SLC17A1: variants seen among roughly 807,000 people sequenced by gnomAD.
The protein encoded by SLC17A1 is sodium-dependent phosphate transport protein 1.
Under a neutral mutation model 53.5 loss-of-function variants are expected in SLC17A1, and 51 were observed. That is an observed-to-expected ratio of 0.95 (90% CI 0.76 to 1.20). SLC17A1 has a LOEUF of 1.20. Ranked by LOEUF, SLC17A1 falls within the 50% of genes most tolerant of loss-of-function variation. The pLI is 0.00. For synonymous variants in SLC17A1, 179 were observed against 198.8 expected (o/e 0.90, Z 0.84); for missense variants, 538 against 568.2 (o/e 0.95, Z 0.54).
chr6:25,818,744 A>G (rs1764445516), intron 6 of SLC17A1, among the ~76,000 whole-genome samples: 1 of 152,230 alleles, frequency 6.6e-6, no homozygotes, highest in Admixed American at 6.5e-5. Flanking sequence ...AATGTTAAGT[A>G]TAAAAAGTAA....
At chr6:25,768,972 C>G in the SLC17A1 span, 174 of 1,613,436 alleles carry the variant, frequency 1.1e-4, 1 homozygote, top group Middle Eastern at 1.0e-3. Context: ...TTTTCATGCC[C>G]TTTTCCTCTC....
At chr6:25,779,061 A>C, downstream of SLC17A1, 2 of 1,613,672 alleles carry the variant, frequency 1.2e-6, no homozygotes, top group African/African-American at 2.7e-5. Flanking sequence ...CAGGATTCAG[A>C]GTTTGGTTGG....
the SLC17A1 span, among the ~76,000 whole-genome samples, chr6:25,728,553 C>T: frequency 6.6e-6 from 1 of 152,146 alleles, no homozygotes; most frequent in Admixed American, 6.5e-5. Context: ...CGGTGGCTCA[C>T]GCATGTAATC....
intron 12 of SLC17A1, among the ~76,000 whole-genome samples, chr6:25,793,224 A>G (rs1763538447): frequency 6.6e-6 from 1 of 152,140 alleles, no homozygotes; most frequent in Non-Finnish European, 1.5e-5. Flanking sequence ...TTATGCTTGG[A>G]ATACTCTTTC....
chr6:25,787,006 A>G (rs1348861113), intron 12 of SLC17A1, among the ~76,000 whole-genome samples: 4 of 151,958 alleles, frequency 2.6e-5, no homozygotes, highest in Non-Finnish European at 4.4e-5. Flanking sequence ...TAAAGTGACC[A>G]CAGTACTTTT....
At chr6:25,757,062 T>C in the SLC17A1 span, among the ~76,000 whole-genome samples, 1 of 152,156 alleles carries the variant, frequency 6.6e-6, no homozygotes, top group South Asian at 2.1e-4. Context: ...TGCCAATGAG[T>C]ATTTGTTTGG....
the SLC17A1 span, chr6:25,726,299 T>C: frequency 1.2e-6 from 2 of 1,613,756 alleles, no homozygotes; most frequent in African/African-American, 1.3e-5. Flanking sequence ...ATAATGCGAG[T>C]TTTTTTGTTA....
chr6:25,826,603 A>C lies in SLC17A1; in HGVS notation c.65T>G (p.Leu22Trp), dbSNP rs370150787. ...ATTACAACAGTGCACAAGGAAAGAC[A>C]ATCCATAGCGAAAGGAACAGAAACC... ...VPGFCSFRYG[L>W]SFLVHCCNVI... Residue 22 changes from leucine to tryptophan, a missense_variant, in exon 3 of 13, where the codon TTG (leucine) becomes TGG (tryptophan). By Grantham distance (61) the Leu-to-Trp change is moderately conservative. Coordinates refer to ENST00000244527, the MANE Select transcript of SLC17A1 (RefSeq NM_005074.5). The C allele has an allele frequency of 7.0e-5, 112 of 1,589,168 alleles. No individual in the cohort carries two copies. The highest frequency in any genetic ancestry group is 9.4e-5 in the Non-Finnish European group (110 of 1,167,058).
chr6:25,733,782 CTGTGTGTG>C, the SLC17A1 span, among the ~76,000 whole-genome samples: 2 of 144,554 alleles, frequency 1.4e-5, no homozygotes, highest in East Asian at 2.0e-4. Context: ...AAGCCTAATA[CTGTGTGTG>C]TGTGTGTGTG....
the SLC17A1 span, among the ~76,000 whole-genome samples, chr6:25,733,796 G>GTGTGTGTA: frequency 3.7e-5 from 4 of 107,050 alleles, no homozygotes; most frequent in South Asian, 6.4e-4. Flanking sequence ...GTGTGTGTGT[G>GTGTGTGTA]TGTGTGTGTA....
intron 2 of SLC17A1, among the ~76,000 whole-genome samples, chr6:25,830,187 A>G (rs1418989486): frequency 1.3e-5 from 2 of 152,188 alleles, no homozygotes; most frequent in African/African-American, 4.8e-5. Flanking sequence ...GGGACTCAAG[A>G]ACATTCATCC....
the SLC17A1 span, among the ~76,000 whole-genome samples, chr6:25,743,440 A>G: frequency 9.8e-5 from 15 of 152,290 alleles, no homozygotes; most frequent in East Asian, 2.5e-3. Context: ...AAAACTTTCT[A>G]GGTTTTATAA....
chr6:25,755,904 C>G, the SLC17A1 span, among the ~76,000 whole-genome samples: 169 of 152,312 alleles, frequency 1.1e-3, no homozygotes, highest in African/African-American at 3.1e-3. Context: ...CTAGAAGTCT[C>G]TGATGATTCT....
chr6:25,788,483 T>G (rs2151474398), intron 12 of SLC17A1, among the ~76,000 whole-genome samples: 1 of 152,118 alleles, frequency 6.6e-6, no homozygotes, highest in Admixed American at 6.5e-5. Context: ...GTGAGAGGTG[T>G]TAGAGCCTGT....
At chr6:25,776,873 G>A in the SLC17A1 span, 27 of 1,613,962 alleles carry the variant, frequency 1.7e-5, no homozygotes, top group African/African-American at 3.5e-4. Context: ...GCCACAGCAT[G>A]ACCATGACCT....
the SLC17A1 span, among the ~76,000 whole-genome samples, chr6:25,742,565 A>G: frequency 6.7e-6 from 1 of 150,114 alleles, no homozygotes; most frequent in Non-Finnish European, 1.5e-5. Flanking sequence ...AATCCTAGTT[A>G]CTGGGGACTC....
intron 12 of SLC17A1, among the ~76,000 whole-genome samples, chr6:25,793,683 A>G (rs921897916): frequency 2.0e-5 from 3 of 152,110 alleles, no homozygotes; most frequent in Non-Finnish European, 2.9e-5. Context: ...TGTCTGAATG[A>G]ATATTAGATA....
At chr6:25,778,029 G>A (rs1287638630), downstream of SLC17A1, 2 of 1,473,270 alleles carry the variant, frequency 1.4e-6, no homozygotes, top group Admixed American at 1.8e-5. Context: ...GAGGTCAAAT[G>A]TTCTGATGAA....
At chr6:25,778,137 T>C, downstream of SLC17A1, 1 of 644,070 alleles carries the variant, frequency 1.6e-6, no homozygotes, top group Non-Finnish European at 2.6e-6. Flanking sequence ...TAAACTAATT[T>C]ACATGATGAC....
Sources: allele counts gnomAD v4.1 joint callset (sites outside exome capture counted in the v4.1 genomes callset), GRCh38; gene constraint gnomAD v4.1.1; transcripts MANE v1.5; gene names NCBI Gene and HGNC (gene_info 2026-07-23, HGNC 2026-07-21).